Variants in ARHGEF7 observed in about 807,000 individuals in gnomAD.
ARHGEF7 encodes the protein Rho guanine nucleotide exchange factor 7.
A neutral mutation model predicts 109.8 loss-of-function variants in ARHGEF7; 33 were observed. The ratio of observed to expected loss-of-function variants is 0.30; its 90% CI spans 0.23 to 0.40. The LOEUF (loss-of-function observed/expected upper bound fraction) is 0.40, where lower values mean the gene tolerates loss of function less well. Ranked by LOEUF, ARHGEF7 falls within the 10% of genes least tolerant of loss-of-function variation. The pLI is 1.00. For missense variants in ARHGEF7, 938 were observed against 1,098.5 expected, an observed-to-expected ratio of 0.85 and a Z score of 2.07; for synonymous variants, 458 against 424.6, an observed-to-expected ratio of 1.08 and a Z score of -0.97.
intron 2 of ARHGEF7, among the ~76,000 whole-genome samples, chr13:111,170,224 A>AGACT (rs2077473660): frequency 6.6e-6 from 1 of 151,946 alleles, no homozygotes; most frequent in Non-Finnish European, 1.5e-5. Context: ...CAACCTCTCG[A>AGACT]GTAGCTGAGA....
intron 8 of ARHGEF7, among the ~76,000 whole-genome samples, chr13:111,262,408 G>T (rs1269214319): frequency 1.3e-5 from 2 of 151,938 alleles, no homozygotes; most frequent in Non-Finnish European, 2.9e-5. Flanking sequence ...CTGTGTGTGT[G>T]TGTGCATGTG....
chr13:111,154,882 G>C (rs1204709078), intron 2 of ARHGEF7, among the ~76,000 whole-genome samples: 1 of 151,906 alleles, frequency 6.6e-6, no homozygotes, highest in Non-Finnish European at 1.5e-5. Flanking sequence ...TTTCTTATCT[G>C]TAAACTGAGA....
intron 1 of ARHGEF7, among the ~76,000 whole-genome samples, chr13:111,116,758 T>C (rs752371104): frequency 8.5e-5 from 13 of 152,138 alleles, no homozygotes; most frequent in Non-Finnish European, 1.6e-4. Context: ...AAAAGTAAAA[T>C]GTTTAATTTT....
intron 2 of ARHGEF7, among the ~76,000 whole-genome samples, chr13:111,194,195 C>T (rs1313219751): frequency 6.6e-6 from 1 of 152,210 alleles, no homozygotes; most frequent in Non-Finnish European, 1.5e-5. Context: ...TGAGTAAGGA[C>T]TCCAAGAGCT....
intron 1 of ARHGEF7, among the ~76,000 whole-genome samples, chr13:111,133,745 C>A (rs2074909534): frequency 7.8e-6 from 1 of 128,730 alleles, no homozygotes; most frequent in Admixed American, 8.2e-5. Context: ...TGGGATGGGG[C>A]AGAGAATCTG....
intron 2 of ARHGEF7, among the ~76,000 whole-genome samples, chr13:111,191,989 G>C (rs934212412): frequency 6.6e-6 from 1 of 152,208 alleles, no homozygotes; most frequent in African/African-American, 2.4e-5. Context: ...AAGGGTTAAG[G>C]AGAGGTGTTA....
chr13:111,170,715 C>T (rs74854219), intron 2 of ARHGEF7, among the ~76,000 whole-genome samples: 1,926 of 152,272 alleles, frequency 0.013, 19 homozygotes, highest in Non-Finnish European at 0.021. Context: ...GGGTCTGGCT[C>T]CGCTCTGGGA....
intron 5 of ARHGEF7, among the ~76,000 whole-genome samples, chr13:111,225,004 C>A (rs549391479): frequency 1.3e-5 from 2 of 152,090 alleles, no homozygotes; most frequent in East Asian, 3.9e-4. Context: ...GCGTAGGGAG[C>A]GTATTATAGC....
chr13:111,121,773 T>G (rs1438045282), intron 1 of ARHGEF7, among the ~76,000 whole-genome samples: 2 of 152,104 alleles, frequency 1.3e-5, no homozygotes, highest in Non-Finnish European at 2.9e-5. Flanking sequence ...ACACCTGGCT[T>G]TGTTCCCGCA....
Position 111,115,456 on chromosome 13 carries a change from G to A in ARHGEF7, c.-71G>A, listed in dbSNP as rs1476037863. ...GCGAGGCGGCGGCGGCGGCGGCGGG[G>A]GCCGCGGGCCGGGCCGCCGCTCCGA... On this transcript the variant is annotated 5_prime_UTR_variant, in exon 1 of 22. Coordinates refer to ENST00000646102, the MANE Select transcript of ARHGEF7 (RefSeq NM_001354046.2). 2 of 990,804 alleles carry A rather than the reference G, an allele frequency of 2.0e-6. No homozygotes were observed. The highest frequency in any genetic ancestry group is 4.5e-5 in the South Asian group (1 of 22,102). 61.4% of individuals were successfully genotyped at this position (990,804 alleles called of 1,614,324 possible). A position where few individuals can be genotyped will look rare whatever the true frequency, so the allele number is the denominator to read the frequency against.
chr13:111,176,768 A>T (rs941582770), intron 2 of ARHGEF7, among the ~76,000 whole-genome samples: 3 of 151,702 alleles, frequency 2.0e-5, no homozygotes, highest in Non-Finnish European at 2.9e-5. Context: ...TTATTTATTT[A>T]TTTTTTTAGA....
At chr13:111,123,312 A>G (rs1288570917) in intron 1 of ARHGEF7, among the ~76,000 whole-genome samples, 1 of 152,154 alleles carries the variant, frequency 6.6e-6, no homozygotes, top group Non-Finnish European at 1.5e-5. Context: ...TGTCCCTGCT[A>G]GGCCATCCTG....
At chr13:111,201,426 G>C (rs1018202438) in intron 2 of ARHGEF7, among the ~76,000 whole-genome samples, 6 of 152,198 alleles carry the variant, frequency 3.9e-5, no homozygotes, top group African/African-American at 7.2e-5. Context: ...TATGAGAATA[G>C]AGTTGAGAAA....
At chr13:111,201,823 G>A (rs1022066063) in intron 2 of ARHGEF7, among the ~76,000 whole-genome samples, 3 of 151,978 alleles carry the variant, frequency 2.0e-5, no homozygotes, top group Non-Finnish European at 2.9e-5. Context: ...TTCCCACAAC[G>A]TGCCGCATTG....
At position 111,131,582 on chromosome 13, in the gene ARHGEF7, C is replaced by G. The variant is rs906381614; in HGVS notation, c.165+15891C>G. On this transcript the variant is annotated intron_variant, in intron 1 of 21. Coordinates refer to ENST00000646102, the MANE Select transcript of ARHGEF7 (RefSeq NM_001354046.2). This position sits in a 1 kb window ranked among gnomAD's most constrained non-coding sequence, Gnocchi z 4.4. ...GAACGTGAGAAGGCCAAGGGCCAGC[C>G]TTGGGAAGGGTGGAGATGAATAACC... Among the ~76,000 whole-genome samples the G allele has an allele frequency of 6.6e-6, 1 of 152,164 alleles. No individual in the cohort carries two copies. The highest frequency in any genetic ancestry group is 2.4e-5 in the African/African-American group (1 of 41,428).
At chr13:111,206,937 G>T (rs2153471204) in intron 3 of ARHGEF7, among the ~76,000 whole-genome samples, 1 of 144,434 alleles carries the variant, frequency 6.9e-6, no homozygotes, top group East Asian at 2.0e-4. Context: ...ACTCCAGCCT[G>T]GGCGACAGAG....
At chr13:111,188,464 A>C (rs1375234880) in intron 2 of ARHGEF7, among the ~76,000 whole-genome samples, 2 of 152,186 alleles carry the variant, frequency 1.3e-5, no homozygotes, top group Non-Finnish European at 2.9e-5. Flanking sequence ...GTCAGAGTCC[A>C]CTGCTATCCA....
At chr13:111,241,451 A>G in intron 6 of ARHGEF7, 2 of 1,092,784 alleles carry the variant, frequency 1.8e-6, no homozygotes, top group Non-Finnish European at 2.6e-6. Flanking sequence ...TGTTTGAGGA[A>G]AAGTTAAGTG....
intron 2 of ARHGEF7, among the ~76,000 whole-genome samples, chr13:111,174,966 G>A (rs549802706): frequency 1.3e-5 from 2 of 152,350 alleles, no homozygotes; most frequent in South Asian, 4.1e-4. Flanking sequence ...TCGGGATCTT[G>A]CTGTCTCCTC....
Sources: allele counts gnomAD v4.1 joint callset (sites outside exome capture counted in the v4.1 genomes callset), GRCh38; gene constraint gnomAD v4.1.1; non-coding constraint Gnocchi (gnomAD v3.1); transcripts MANE v1.5; gene names NCBI Gene and HGNC (gene_info 2026-07-23, HGNC 2026-07-21).